Variants in TENM3 observed in about 807,000 individuals in gnomAD.
The protein encoded by TENM3 is teneurin-3.
A neutral mutation model predicts 255.1 loss-of-function variants in TENM3; 63 were observed. The ratio of observed to expected loss-of-function variants is 0.25; its 90% CI spans 0.20 to 0.30. The LOEUF (loss-of-function observed/expected upper bound fraction) is 0.30. TENM3 is among the 10% of genes least tolerant of loss of function. The probability of loss-of-function intolerance (pLI) is 1.00; values close to 1 mark genes in which losing one functional copy is unlikely to be tolerated. For synonymous variants in TENM3, 1,306 were observed against 1,322.3 expected (o/e 0.99, Z 0.27); for missense variants, 2,929 against 3,461.1 (o/e 0.85, Z 3.86).
At chr4:182,126,652 T>A in the TENM3 span, among the ~76,000 whole-genome samples, 3 of 152,192 alleles carry the variant, frequency 2.0e-5, no homozygotes, top group Admixed American at 6.6e-5. Context: ...CTGCCCTATA[T>A]GCACATGTAT....
At chr4:182,013,173 G>C in the TENM3 span, among the ~76,000 whole-genome samples, 2 of 150,396 alleles carry the variant, frequency 1.3e-5, no homozygotes, top group Non-Finnish European at 3.0e-5. Flanking sequence ...TCAGTCTTGA[G>C]CCCAAGACTT....
chr4:182,438,682 A>T (rs1212860261), intron 3 of TENM3, among the ~76,000 whole-genome samples: 1 of 152,180 alleles, frequency 6.6e-6, no homozygotes, highest in Non-Finnish European at 1.5e-5. Context: ...CTTTGAGAAC[A>T]TTTTTACTTA....
the TENM3 span, among the ~76,000 whole-genome samples, chr4:181,643,874 T>C: frequency 6.6e-6 from 1 of 151,786 alleles, no homozygotes; most frequent in Non-Finnish European, 1.5e-5. Flanking sequence ...GTCAGGAGTT[T>C]GAGACCAGCC....
chr4:182,220,315 T>G (rs1011946976), intron 1 of TENM3, among the ~76,000 whole-genome samples: 13 of 137,576 alleles, frequency 9.4e-5, no homozygotes, highest in Non-Finnish European at 1.4e-4. Context: ...AGGCGGAGGT[T>G]GCAGTGAGCA....
intron 3 of TENM3, among the ~76,000 whole-genome samples, chr4:182,397,398 TAAAAAAAAAAAA>T (rs144177808): frequency 8.2e-5 from 4 of 48,964 alleles, no homozygotes; most frequent in East Asian, 5.4e-4. Context: ...AGACTCCATC[TAAAAAAAAAAAA>T]AAAAAAAAAA....
the TENM3 span, among the ~76,000 whole-genome samples, chr4:181,822,287 A>G: frequency 6.6e-6 from 1 of 152,216 alleles, no homozygotes; most frequent in Non-Finnish European, 1.5e-5. Context: ...ATGCTTTAAT[A>G]GTGAGTTTAT....
At chr4:181,695,534 C>A in the TENM3 span, among the ~76,000 whole-genome samples, 1 of 152,170 alleles carries the variant, frequency 6.6e-6, no homozygotes, top group African/African-American at 2.4e-5. Context: ...ATTCAACTTT[C>A]TTTCTTTCCA....
At chr4:181,636,802 C>A in the TENM3 span, among the ~76,000 whole-genome samples, 350 of 152,320 alleles carry the variant, frequency 2.3e-3, 2 homozygotes, top group African/African-American at 7.2e-3. Context: ...CTAAACGGAT[C>A]ATGTCACTGC....
At chr4:182,753,190 C>T (rs1304830082) in intron 20 of TENM3, among the ~76,000 whole-genome samples, 1 of 152,074 alleles carries the variant, frequency 6.6e-6, no homozygotes, top group African/African-American at 2.4e-5. Context: ...TCAGGCAGTC[C>T]GCCTGCCTCG....
At chr4:181,750,228 G>T in the TENM3 span, among the ~76,000 whole-genome samples, 13 of 152,224 alleles carry the variant, frequency 8.5e-5, no homozygotes, top group African/African-American at 3.1e-4. Flanking sequence ...ATGGTTGGGG[G>T]GTAGAAGAAC....
chr4:182,702,760 C>T (rs1207013556), intron 12 of TENM3, among the ~76,000 whole-genome samples: 7 of 149,876 alleles, frequency 4.7e-5, no homozygotes, highest in African/African-American at 9.8e-5. Context: ...TTTTTTGAGA[C>T]GGCGTCTGGC....
chr4:181,964,443 GA>G, the TENM3 span, among the ~76,000 whole-genome samples: 4 of 152,240 alleles, frequency 2.6e-5, no homozygotes, highest in South Asian at 4.1e-4. Flanking sequence ...CGTTCTGTTT[GA>G]AGAAAAGCCT....
chr4:181,494,372 C>A, the TENM3 span, among the ~76,000 whole-genome samples: 1 of 152,180 alleles, frequency 6.6e-6, no homozygotes, highest in Non-Finnish European at 1.5e-5. Flanking sequence ...GCAACCTCCG[C>A]CTCCCGGGTT....
chr4:182,365,043 G>T (rs558718156), intron 3 of TENM3, among the ~76,000 whole-genome samples: 1 of 152,324 alleles, frequency 6.6e-6, no homozygotes, highest in African/African-American at 2.4e-5. Context: ...ATACAAAAGT[G>T]CCTTTTCCCC....
In TENM3 at chr4:182,159,467, TGTGTGTGTGTGTG is replaced by T. The variant is rs1264953390; in HGVS notation, c.-76+14714_-76+14726del. Among the ~76,000 whole-genome samples the T allele has an allele frequency of 3.2e-4, 48 of 151,680 alleles. No homozygotes were observed. In the South Asian group the frequency reaches 9.6e-3, roughly 30 times the overall value. On this transcript the variant is annotated intron_variant, in intron 1 of 2. Transcript: ENST00000512480. ...GTATGAGTGTGTGTGTGTGTGTGTG[TGTGTGTGTGTGTG>T]TGTGTATCAGGATGGTGCCACATGC...
At chr4:182,275,345 G>A (rs1237563574) in intron 1 of TENM3, among the ~76,000 whole-genome samples, 2 of 152,148 alleles carry the variant, frequency 1.3e-5, no homozygotes, top group East Asian at 3.9e-4. Context: ...AGCTCTTCAA[G>A]GGCAAGTAGT....
At chr4:181,526,739 T>C in the TENM3 span, among the ~76,000 whole-genome samples, 1 of 152,176 alleles carries the variant, frequency 6.6e-6, no homozygotes, top group Non-Finnish European at 1.5e-5. Context: ...TAAGAGGAAT[T>C]GAGACTATTA....
the TENM3 span, among the ~76,000 whole-genome samples, chr4:181,817,007 A>G: frequency 6.6e-6 from 1 of 152,194 alleles, no homozygotes; most frequent in Non-Finnish European, 1.5e-5. Flanking sequence ...CATCTTGCCC[A>G]AGTTGCACGT....
intron 24 of TENM3, among the ~76,000 whole-genome samples, chr4:182,779,953 T>C (rs1256381953): frequency 6.6e-6 from 1 of 151,422 alleles, no homozygotes; most frequent in African/African-American, 2.4e-5. Context: ...TTCTGGATAT[T>C]AGCCCTTTGT....
Sources: gnomAD v4.1 joint callset for allele counts (sites outside exome capture counted in the v4.1 genomes callset) on GRCh38, gnomAD v4.1.1 for gene constraint, MANE v1.5 for transcripts, NCBI Gene and HGNC (gene_info 2026-07-23, HGNC 2026-07-21) for gene names.